PPARGC1A: variants seen among roughly 807,000 people sequenced by gnomAD.
PPARGC1A encodes peroxisome proliferator-activated receptor gamma coactivator 1-alpha.
PPARGC1A carries 25 observed loss-of-function variants against 88.7 expected under a neutral mutation model. The ratio of observed to expected loss-of-function variants is 0.28; its 90% CI spans 0.21 to 0.39. The LOEUF (loss-of-function observed/expected upper bound fraction) is 0.39, where lower values mean the gene tolerates loss of function less well. PPARGC1A is among the 10% of genes least tolerant of loss of function. The probability of loss-of-function intolerance (pLI) is 1.00; values close to 1 mark genes in which losing one functional copy is unlikely to be tolerated. For missense variants in PPARGC1A, 880 were observed against 968.7 expected (o/e 0.91, Z 1.22); for synonymous variants, 363 against 355.6 (o/e 1.02, Z -0.24).
At chr4:23,823,463 C>G (rs796267497) in intron 7 of PPARGC1A, among the ~76,000 whole-genome samples, 4 of 152,066 alleles carry the variant, frequency 2.6e-5, no homozygotes, top group African/African-American at 9.6e-5. Context: ...TAAAATAAAA[C>G]AGTATAAGCT....
At chr4:24,454,371 T>C in the PPARGC1A span, among the ~76,000 whole-genome samples, 139 of 152,106 alleles carry the variant, frequency 9.1e-4, no homozygotes, top group Admixed American at 1.4e-3. Flanking sequence ...AAAAGTTACT[T>C]GGTATGTGGG....
At chr4:24,273,089 T>C in the PPARGC1A span, among the ~76,000 whole-genome samples, 1 of 152,226 alleles carries the variant, frequency 6.6e-6, no homozygotes, top group African/African-American at 2.4e-5. Context: ...TCTCATGAAA[T>C]TACAATGGCA....
At chr4:23,928,068 A>G in the PPARGC1A span, among the ~76,000 whole-genome samples, 1 of 152,264 alleles carries the variant, frequency 6.6e-6, no homozygotes, top group South Asian at 2.1e-4. Flanking sequence ...TACAACTGGT[A>G]CTGCCATGAT....
the PPARGC1A span, among the ~76,000 whole-genome samples, chr4:24,131,380 G>A: frequency 6.6e-6 from 1 of 152,140 alleles, no homozygotes; most frequent in Admixed American, 6.5e-5. Flanking sequence ...ATAAATGAGT[G>A]TCTAGAAAGG....
chr4:24,151,469 AG>A, the PPARGC1A span, among the ~76,000 whole-genome samples: 1 of 152,292 alleles, frequency 6.6e-6, no homozygotes, highest in Middle Eastern at 3.4e-3. Flanking sequence ...CACCTCCCAA[AG>A]GTCCACCTCC....
At chr4:23,870,959 C>A (rs1272844780) in intron 2 of PPARGC1A, among the ~76,000 whole-genome samples, 1 of 136,636 alleles carries the variant, frequency 7.3e-6, no homozygotes, top group Admixed American at 7.6e-5. Context: ...TTTTTCTTTT[C>A]TATACCACAA....
chr4:23,872,205 T>C (rs12503529), intron 2 of PPARGC1A, among the ~76,000 whole-genome samples: 20,205 of 152,162 alleles, frequency 0.13, 1,676 homozygotes, highest in Middle Eastern at 0.24. Flanking sequence ...TTCTCATCCA[T>C]AGAAGCCCCA....
At chr4:24,269,618 T>C in the PPARGC1A span, among the ~76,000 whole-genome samples, 1 of 152,106 alleles carries the variant, frequency 6.6e-6, no homozygotes, top group South Asian at 2.1e-4. Context: ...ACTTAGCATG[T>C]AGTCTTTAAT....
the PPARGC1A span, among the ~76,000 whole-genome samples, chr4:24,194,606 GCACACA>G: frequency 2.0e-3 from 184 of 93,784 alleles, no homozygotes; most frequent in Non-Finnish European, 4.0e-3. Context: ...CAGTGGGCTG[GCACACA>G]CGCGCGCGCA....
At chr4:24,345,593 G>A in the PPARGC1A span, among the ~76,000 whole-genome samples, 1 of 152,076 alleles carries the variant, frequency 6.6e-6, no homozygotes, top group South Asian at 2.1e-4. Flanking sequence ...GTCGCTTTTG[G>A]TGTATAGAAG....
chr4:24,389,779 C>T, the PPARGC1A span, among the ~76,000 whole-genome samples: 4 of 152,070 alleles, frequency 2.6e-5, no homozygotes, highest in Non-Finnish European at 5.9e-5. Flanking sequence ...AGAGCTCAGA[C>T]CCATTAGATA....
At chr4:23,941,406 T>G in the PPARGC1A span, among the ~76,000 whole-genome samples, 69 of 152,254 alleles carry the variant, frequency 4.5e-4, no homozygotes, top group East Asian at 0.011. Flanking sequence ...CAAACTATTT[T>G]GTGGGAGGGA....
the PPARGC1A span, among the ~76,000 whole-genome samples, chr4:24,341,018 C>A: frequency 6.6e-6 from 1 of 152,070 alleles, no homozygotes; most frequent in Admixed American, 6.5e-5. Flanking sequence ...TAGGAATGAG[C>A]TTCTGAAACA....
At chr4:23,860,417 T>C (rs566442843) in intron 2 of PPARGC1A, among the ~76,000 whole-genome samples, 37 of 152,142 alleles carry the variant, frequency 2.4e-4, no homozygotes, top group African/African-American at 8.4e-4. Context: ...ATGAGGACTA[T>C]GGTTAGTAAT....
At chr4:24,165,973 T>C in the PPARGC1A span, among the ~76,000 whole-genome samples, 291 of 152,324 alleles carry the variant, frequency 1.9e-3, no homozygotes, top group African/African-American at 6.5e-3. Flanking sequence ...TGTCGAAAGC[T>C]GAAACGGGCT....
the PPARGC1A span, among the ~76,000 whole-genome samples, chr4:24,117,550 C>A: frequency 1.3e-5 from 2 of 150,764 alleles, no homozygotes; most frequent in Non-Finnish European, 2.9e-5. Flanking sequence ...TCTCTCTTGC[C>A]CACATACATC....
the PPARGC1A span, among the ~76,000 whole-genome samples, chr4:24,076,148 C>T: frequency 3.9e-5 from 6 of 152,214 alleles, no homozygotes; most frequent in African/African-American, 1.4e-4. Context: ...CAATCCTTTA[C>T]ATGGCTTATG....
the PPARGC1A span, among the ~76,000 whole-genome samples, chr4:23,928,761 CA>C: frequency 1.2e-4 from 1 of 8,420 alleles, no homozygotes; most frequent in Non-Finnish European, 2.7e-4. Flanking sequence ...CACAAAAAAA[CA>C]AAAAAAACAA....
the PPARGC1A span, among the ~76,000 whole-genome samples, chr4:24,290,559 C>T: frequency 2.1e-4 from 32 of 152,246 alleles, no homozygotes; most frequent in African/African-American, 7.7e-4. Flanking sequence ...GTGCTGAACA[C>T]GGTGCCATCC....
Sources: gnomAD v4.1 joint callset for allele counts (sites outside exome capture counted in the v4.1 genomes callset) on GRCh38, gnomAD v4.1.1 for gene constraint, MANE v1.5 for transcripts, NCBI Gene and HGNC (gene_info 2026-07-23, HGNC 2026-07-21) for gene names.